The following SYNE1 variants were observed in gnomAD, a reference collection of about 807,000 sequenced individuals.
SYNE1 encodes spectrin repeat containing nuclear envelope protein 1, also known as nesprin-1.
SYNE1 carries 616 observed loss-of-function variants against 1,111.0 expected under a neutral mutation model. The observed-to-expected ratio is 0.55, with a 90% confidence interval of 0.52 to 0.59. The LOEUF is 0.59. SYNE1 is among the 20% of genes least tolerant of loss of function. The pLI, the probability that SYNE1 is intolerant of heterozygous loss-of-function variation, is 0.00. For synonymous variants in SYNE1, 3,855 were observed against 3,825.8 expected (o/e 1.01, Z -0.28); for missense variants, 10,006 against 10,417.0 (o/e 0.96, Z 1.72).
intron 3 of SYNE1, among the ~76,000 whole-genome samples, chr6:152,573,566 C>T (rs1595627112): frequency 6.6e-6 from 1 of 152,054 alleles, no homozygotes; most frequent in Non-Finnish European, 1.5e-5. Flanking sequence ...CCTCAGATGA[C>T]CCCAACTTAC....
At chr6:152,173,427 A>T (rs1445299389) in intron 130 of SYNE1, among the ~76,000 whole-genome samples, 1 of 152,238 alleles carries the variant, frequency 6.6e-6, no homozygotes, top group Non-Finnish European at 1.5e-5. Flanking sequence ...GTCGAAAGGC[A>T]TACACTGGGT....
intron 115 of SYNE1, 56 bp from the exon 116 acceptor site, chr6:152,225,932 G>A: frequency 1.3e-6 from 2 of 1,563,372 alleles, no homozygotes; most frequent in Non-Finnish European, 8.7e-7. Flanking sequence ...ACTCTGGGGT[G>A]CACTGAAATT....
chr6:152,505,534 A>G, intron 8 of SYNE1, 137 bp from the exon 9 acceptor site: 1 of 983,308 alleles, frequency 1.0e-6, no homozygotes. Context: ...TTTGAGAAAA[A>G]TTAAGGGAAA....
At position 152,455,421 on chromosome 6, in the gene SYNE1, C is replaced by T; in HGVS notation, c.2892+5G>A. On this transcript the variant is annotated splice_donor_5th_base_variant and intron_variant, in intron 24 of 145. Transcript: ENST00000367255. ...GGTCAAGTGTCCCCTAAAGGGTGGA[C>T]TCACAGTGTGTCTCCGCAGGAGCTC... is the stretch of plus-strand genomic sequence containing the variant. 6.2e-7 allele frequency: 1 copy of T among 1,613,394 alleles called. No homozygotes were observed.
intron 58 of SYNE1, 120 bp from the exon 59 acceptor site, chr6:152,373,339 G>A: frequency 2.2e-6 from 2 of 906,588 alleles, no homozygotes; most frequent in Non-Finnish European, 3.2e-6. Context: ...GAGTGCAGTA[G>A]TGCGATCTCG....
chr6:152,296,240 T>TA (rs1335035840), intron 93 of SYNE1, among the ~76,000 whole-genome samples: 1 of 152,274 alleles, frequency 6.6e-6, no homozygotes, highest in East Asian at 1.9e-4. Flanking sequence ...AAACACTTTC[T>TA]AAAAAATCTC....
chr6:152,252,444 T>C (rs1393662872), intron 104 of SYNE1, among the ~76,000 whole-genome samples: 1 of 152,222 alleles, frequency 6.6e-6, no homozygotes, highest in Non-Finnish European at 1.5e-5. Flanking sequence ...GGTAAAATTT[T>C]TGAAATACAA....
At chr6:152,505,024 C>T (rs2099050291) in intron 9 of SYNE1, among the ~76,000 whole-genome samples, 177 bp downstream of exon 9, 1 of 152,174 alleles carries the variant, frequency 6.6e-6, no homozygotes, top group African/African-American at 2.4e-5. Flanking sequence ...TTTACCCCAA[C>T]CATGGTGGTA....
At chr6:152,630,421 G>A (rs1484373340) in intron 2 of SYNE1, among the ~76,000 whole-genome samples, 1 of 152,146 alleles carries the variant, frequency 6.6e-6, no homozygotes, top group Non-Finnish European at 1.5e-5. Flanking sequence ...TTGTGGTTGG[G>A]CTGTCACATA....
At chr6:152,230,771 T>C in intron 114 of SYNE1, 69 bp from the exon 115 acceptor site, 1 of 1,491,830 alleles carries the variant, frequency 6.7e-7, no homozygotes, top group Non-Finnish European at 9.2e-7. Flanking sequence ...GCAGACTAAT[T>C]ATTCTAGCCA....
rs781638933 is a variant in SYNE1 at position 152,373,085 on chromosome 6, A to G, written c.9459T>C (p.Asp3153=). ...IQAKVTAAKE[D]WKNFHSNLHQ... ...GGAGATTTGAATGAAAATTTTTCCA[A>G]TCTTCTTTTGCAGCTGTAACTTTGG... Residue 3153 remains aspartate (D), a synonymous_variant, in exon 59 of 146, where the codon GAT becomes GAC. Coordinates refer to ENST00000367255, the MANE Select transcript of SYNE1 (RefSeq NM_182961.4). The G allele has an allele frequency of 6.2e-6, 10 of 1,613,914 alleles. No individual in the cohort carries two copies. The East Asian group carries it at 1.8e-4, about 29-fold the overall frequency.
chr6:152,206,701 A>G (rs1452481620), intron 125 of SYNE1, among the ~76,000 whole-genome samples: 1 of 152,208 alleles, frequency 6.6e-6, no homozygotes, highest in Non-Finnish European at 1.5e-5. Flanking sequence ...CTTGCGAGAC[A>G]TGAACTTCAC....
At chr6:152,165,201 G>A (rs564096336) in intron 130 of SYNE1, among the ~76,000 whole-genome samples, 18 of 152,254 alleles carry the variant, frequency 1.2e-4, no homozygotes, top group African/African-American at 3.6e-4. Context: ...CCGCCAGGTG[G>A]TTCTGATACG....
At chr6:152,312,685 A>G (rs1227555421) in intron 87 of SYNE1, among the ~76,000 whole-genome samples, 1 of 150,048 alleles carries the variant, frequency 6.7e-6, no homozygotes, top group East Asian at 1.9e-4. Context: ...TAGAAAATAT[A>G]TGACTTGGAA....
chr6:152,381,697 C>A, intron 55 of SYNE1: 2 of 361,370 alleles, frequency 5.5e-6, no homozygotes, highest in South Asian at 5.2e-5. Context: ...AATGATTAAA[C>A]CCATATTTCC....
At chr6:152,624,542 T>C (rs760998887) in intron 3 of SYNE1, among the ~76,000 whole-genome samples, 1 of 152,212 alleles carries the variant, frequency 6.6e-6, no homozygotes, top group African/African-American at 2.4e-5. Flanking sequence ...TGGTCTTGAA[T>C]AGCAGAAAAT....
At chr6:152,155,404 C>G in intron 132 of SYNE1, 1 of 311,534 alleles carries the variant, frequency 3.2e-6, no homozygotes, top group East Asian at 8.2e-5. Flanking sequence ...AAGACGAGGT[C>G]GGAAAATCCA....
chr6:152,534,313 T>C (rs564737509), intron 4 of SYNE1, among the ~76,000 whole-genome samples: 2 of 152,222 alleles, frequency 1.3e-5, no homozygotes, highest in Non-Finnish European at 1.5e-5. Flanking sequence ...TAGATCTTTG[T>C]TATCCATAAA....
At chr6:152,282,632 T>C (rs2094105651) in intron 96 of SYNE1, among the ~76,000 whole-genome samples, 1 of 152,192 alleles carries the variant, frequency 6.6e-6, no homozygotes, top group African/African-American at 2.4e-5. Flanking sequence ...TATAAATGAA[T>C]TAAAAGTTAA....
Sources: allele counts gnomAD v4.1 joint callset (sites outside exome capture counted in the v4.1 genomes callset), GRCh38; gene constraint gnomAD v4.1.1; transcripts MANE v1.5; gene names NCBI Gene and HGNC (gene_info 2026-07-23, HGNC 2026-07-21).